SHISA9: variants seen among roughly 807,000 people sequenced by gnomAD.
SHISA9 encodes the protein shisa family member 9, also known as protein shisa-9.
A neutral mutation model predicts 38.0 loss-of-function variants in SHISA9; 13 were observed. That is an observed-to-expected ratio of 0.34 (90% confidence interval 0.22 to 0.54). The LOEUF (loss-of-function observed/expected upper bound fraction) is 0.54, where lower values mean the gene tolerates loss of function less well. SHISA9 is among the 20% of genes least tolerant of loss of function. SHISA9 has a pLI of 0.91. For missense variants in SHISA9, 538 were observed against 575.8 expected, an observed-to-expected ratio of 0.93 and a Z score of 0.67; for synonymous variants, 275 against 242.0, an observed-to-expected ratio of 1.14 and a Z score of -1.27.
chr16:12,980,509 T>A (rs1419972760), intron 2 of SHISA9, among the ~76,000 whole-genome samples: 1 of 152,080 alleles, frequency 6.6e-6, no homozygotes, highest in African/African-American at 2.4e-5. Context: ...TCTCCATGGG[T>A]GCTTTTAGAA....
intron 2 of SHISA9, among the ~76,000 whole-genome samples, chr16:12,920,008 C>T (rs748446471): frequency 1.3e-5 from 2 of 152,216 alleles, no homozygotes; most frequent in East Asian, 1.9e-4. Flanking sequence ...CTGCCAGTGA[C>T]ACCCCTCTCC....
chr16:13,091,609 C>T (rs188722654), intron 2 of SHISA9, among the ~76,000 whole-genome samples: 1 of 152,164 alleles, frequency 6.6e-6, no homozygotes, highest in African/African-American at 2.4e-5. Flanking sequence ...GAAGCTTGTG[C>T]ATGTGTCACG....
chr16:13,142,485 G>T (rs2050410205), intron 2 of SHISA9, among the ~76,000 whole-genome samples: 16 of 152,162 alleles, frequency 1.1e-4, no homozygotes. Flanking sequence ...GCCAGCTGCA[G>T]TGGGAACTAT....
chr16:13,323,079 A>G, the SHISA9 span, among the ~76,000 whole-genome samples: 1 of 152,138 alleles, frequency 6.6e-6, no homozygotes, highest in Non-Finnish European at 1.5e-5. Flanking sequence ...GCTCAATGTT[A>G]GTTAACTTTG....
At chr16:13,211,007 A>C (rs1439535384) in intron 3 of SHISA9, among the ~76,000 whole-genome samples, 1 of 152,194 alleles carries the variant, frequency 6.6e-6, no homozygotes, top group African/African-American at 2.4e-5. Context: ...GTTTGAAAGT[A>C]AAAGTTTGGC....
rs563452158 is a variant in SHISA9, at chr16:13,213,882, A to G, written c.895+582A>G. Among the ~76,000 whole-genome samples the G allele has an allele frequency of 2.0e-5, 3 of 152,346 alleles. No homozygotes were observed. In the South Asian group the frequency reaches 6.2e-4, roughly 32 times the overall value. The stretch of plus-strand genomic sequence containing the variant: ...ATTAATTAGCGCCCTACTATGTGCC[A>G]GAGGACTGGCCCTTTACATCATTTT... On this transcript the variant is annotated intron_variant, in intron 4 of 4. Coordinates refer to ENST00000558583, the MANE Select transcript of SHISA9 (RefSeq NM_001145204.3).
intron 2 of SHISA9, among the ~76,000 whole-genome samples, chr16:13,116,773 A>C (rs1462864383): frequency 1.3e-5 from 2 of 152,218 alleles, no homozygotes; most frequent in Non-Finnish European, 2.9e-5. Context: ...TACTGAACAA[A>C]GGAGGTTTCA....
chr16:13,430,605 T>C, the SHISA9 span, among the ~76,000 whole-genome samples: 1 of 152,192 alleles, frequency 6.6e-6, no homozygotes, highest in South Asian at 2.1e-4. Context: ...ATAAGTTGGA[T>C]AGAAAAGAGG....
At chr16:13,260,890 C>A in the SHISA9 span, among the ~76,000 whole-genome samples, 1 of 152,168 alleles carries the variant, frequency 6.6e-6, no homozygotes, top group Non-Finnish European at 1.5e-5. Flanking sequence ...GACTTACAGT[C>A]CCACATGGCT....
the SHISA9 span, among the ~76,000 whole-genome samples, chr16:13,291,946 T>C: frequency 1.2e-4 from 18 of 152,106 alleles, no homozygotes; most frequent in African/African-American, 4.3e-4. Context: ...TACCTTTTGG[T>C]CACAGGGCCT....
intron 2 of SHISA9, among the ~76,000 whole-genome samples, chr16:12,988,981 G>A (rs2072349089): frequency 6.6e-6 from 1 of 152,122 alleles, no homozygotes; most frequent in East Asian, 1.9e-4. Context: ...ACCACTCTTT[G>A]CAATAAGCAC....
At chr16:13,132,502 A>G (rs2050314835) in intron 2 of SHISA9, among the ~76,000 whole-genome samples, 1 of 151,944 alleles carries the variant, frequency 6.6e-6, no homozygotes. Context: ...TGTCTTGTAC[A>G]TTTTTGCAGC....
chr16:13,154,280 TCTC>T, intron 2 of SHISA9, among the ~76,000 whole-genome samples: 1 of 152,302 alleles, frequency 6.6e-6, no homozygotes, highest in South Asian at 2.1e-4. Context: ...TACTTCCTGT[TCTC>T]CTCCCAAGCA....
chr16:13,145,664 T>C (rs761305587), intron 2 of SHISA9, among the ~76,000 whole-genome samples: 59 of 152,134 alleles, frequency 3.9e-4, no homozygotes, highest in Non-Finnish European at 7.6e-4. Context: ...AAAGATGAAG[T>C]GTGGAGTACA....
chr16:13,074,852 T>G (rs544343607), intron 2 of SHISA9, among the ~76,000 whole-genome samples: 1 of 152,032 alleles, frequency 6.6e-6, no homozygotes, highest in Admixed American at 6.6e-5. Context: ...TTAATAGAGA[T>G]GGGGTTTCAC....
At chr16:13,431,342 A>C in the SHISA9 span, among the ~76,000 whole-genome samples, 1 of 152,242 alleles carries the variant, frequency 6.6e-6, no homozygotes, top group East Asian at 1.9e-4. Flanking sequence ...AGGGAAAAAA[A>C]TAACTGATGG....
chr16:13,130,111 A>G lies in SHISA9; in HGVS notation c.692-73283A>G, dbSNP rs141839493. Among the ~76,000 whole-genome samples the G allele has an allele frequency of 1.1e-3, 172 of 152,294 alleles. 2 individuals are homozygous for G. The highest frequency in any genetic ancestry group is 3.4e-3 in the Middle Eastern group (1 of 294). ...TTTCATGAGACCCCAATGAAGGTCTATTGGCACCATGGGCTCTCTGAGCAC... is the reference window on the plus strand; with the variant it reads ...TTTCATGAGACCCCAATGAAGGTCTGTTGGCACCATGGGCTCTCTGAGCAC... On this transcript the variant is annotated intron_variant, in intron 2 of 4. Coordinates refer to ENST00000558583, the MANE Select transcript of SHISA9 (RefSeq NM_001145204.3).
the SHISA9 span, among the ~76,000 whole-genome samples, chr16:13,427,743 A>G: frequency 1.2e-4 from 19 of 152,292 alleles, no homozygotes; most frequent in African/African-American, 4.3e-4. Flanking sequence ...TGGACTGGCA[A>G]CAGACAACAG....
the SHISA9 span, among the ~76,000 whole-genome samples, chr16:13,531,107 T>G: frequency 1.9e-3 from 293 of 152,290 alleles, 1 homozygote; most frequent in African/African-American, 6.8e-3. Flanking sequence ...GAAACTTGCC[T>G]TACCTGTGAG....
Sources: allele counts gnomAD v4.1 joint callset (sites outside exome capture counted in the v4.1 genomes callset), GRCh38; gene constraint gnomAD v4.1.1; transcripts MANE v1.5; gene names NCBI Gene and HGNC (gene_info 2026-07-23, HGNC 2026-07-21).